The following LETM1 variants were observed in gnomAD, a reference collection of about 807,000 sequenced individuals.
LETM1 encodes mitochondrial proton/calcium exchanger protein.
A neutral mutation model predicts 74.5 loss-of-function variants in LETM1; 50 were observed. That is an observed-to-expected ratio of 0.67 (90% CI 0.53 to 0.85). The LOEUF (loss-of-function observed/expected upper bound fraction) is 0.85, where lower values mean the gene tolerates loss of function less well. Among genes scored for constraint, LETM1 ranks in the 40% least tolerant of loss-of-function variants. The pLI is 0.00. For missense variants in LETM1, 824 were observed against 967.8 expected (o/e 0.85, Z 1.97); for synonymous variants, 446 against 407.1 (o/e 1.10, Z -1.15).
At chr4:1,849,758 G>C (rs1308901634) in intron 1 of LETM1, among the ~76,000 whole-genome samples, 6 of 152,202 alleles carry the variant, frequency 3.9e-5, no homozygotes, top group Admixed American at 1.3e-4. Flanking sequence ...TTGTTGCCTA[G>C]GCTGGTCTCC....
At chr4:1,833,579 C>G (rs1712355606) in intron 5 of LETM1, 1 of 157,492 alleles carries the variant, frequency 6.3e-6, no homozygotes, top group Non-Finnish European at 1.4e-5. Context: ...CTGCCTGAGC[C>G]TTGGGGGAGG....
At chr4:1,815,527 G>A (rs1367856341) in intron 13 of LETM1, 137 bp downstream of exon 13, 33 of 789,412 alleles carry the variant, frequency 4.2e-5, no homozygotes, top group East Asian at 5.3e-5. Context: ...AGGAGCAGTC[G>A]CAGTGACAGA....
At chr4:1,849,594 T>C (rs1713000487) in intron 1 of LETM1, among the ~76,000 whole-genome samples, 1 of 152,104 alleles carries the variant, frequency 6.6e-6, no homozygotes, top group African/African-American at 2.4e-5. Context: ...TTATTTGACT[T>C]TGCCCAGGCT....
At chr4:1,831,865 G>C (rs939661438) in intron 6 of LETM1, among the ~76,000 whole-genome samples, 1 of 152,294 alleles carries the variant, frequency 6.6e-6, no homozygotes, top group South Asian at 2.1e-4. Context: ...AAATCAGAAG[G>C]GAGAGCAAAA....
chr4:1,839,442 G>C (rs1313908292), intron 3 of LETM1: 2 of 152,336 alleles, frequency 1.3e-5, no homozygotes, highest in Non-Finnish European at 2.9e-5. Flanking sequence ...GCATCAAGAG[G>C]GTGAAGGCAT....
rs1722491955 is a variant in LETM1 at position 1,812,288 on chromosome 4, C to G, written c.*2136G>C. The G allele has an allele frequency of 6.7e-6, 1 of 150,248 alleles. No homozygotes were observed. Among genetic ancestry groups the G allele is most frequent in the South Asian group, 2.1e-4 (1 of 4,714 alleles). 9.3% of individuals were successfully genotyped at this position (150,248 alleles called of 1,614,324 possible). ...GCTGAGGCAGAAGAATCGCTTGAAC[C>G]CGGGAGGTGGAGCTTGCAGTGAGCC... On this transcript the variant is annotated 3_prime_UTR_variant, in exon 14 of 14. Transcript: ENST00000302787.
intron 6 of LETM1, among the ~76,000 whole-genome samples, chr4:1,827,410 G>T (rs1246262433): frequency 8.2e-6 from 1 of 122,390 alleles, no homozygotes; most frequent in Non-Finnish European, 1.7e-5. Context: ...AAGGTCTCTG[G>T]TTTTCCTAGG....
chr4:1,850,551 A>G (rs1713033275), intron 1 of LETM1, among the ~76,000 whole-genome samples: 1 of 151,310 alleles, frequency 6.6e-6, no homozygotes, highest in Admixed American at 6.6e-5. Context: ...CTGTAATCCC[A>G]GCACAGACGT....
chr4:1,825,729 G>A, intron 6 of LETM1, 46 bp from the exon 7 acceptor site: 1 of 1,565,820 alleles, frequency 6.4e-7, no homozygotes, highest in South Asian at 1.1e-5. Flanking sequence ...GTTGCTGGTG[G>A]GTGACAGTGT....
chr4:1,823,945 A>G (rs552417385), intron 7 of LETM1, among the ~76,000 whole-genome samples, 170 bp from the exon 8 acceptor site: 21 of 152,258 alleles, frequency 1.4e-4, no homozygotes, highest in African/African-American at 5.1e-4. Flanking sequence ...TTAGTAAACA[A>G]AACACCAGAG....
intron 6 of LETM1, among the ~76,000 whole-genome samples, chr4:1,829,444 T>C (rs1279808276): frequency 2.0e-5 from 3 of 152,184 alleles, no homozygotes; most frequent in Non-Finnish European, 4.4e-5. Context: ...ACTTGAAAAA[T>C]AATGCTCCAC....
intron 6 of LETM1, among the ~76,000 whole-genome samples, chr4:1,827,287 T>C (rs1712026666): frequency 6.6e-6 from 1 of 150,436 alleles, no homozygotes; most frequent in Non-Finnish European, 1.5e-5. Context: ...TTTTTTTTTT[T>C]TTTTTTTAAT....
intron 3 of LETM1, among the ~76,000 whole-genome samples, chr4:1,840,502 C>T (rs1417242839): frequency 6.6e-6 from 1 of 151,784 alleles, no homozygotes; most frequent in African/African-American, 2.4e-5. Flanking sequence ...CCCGTCTCTA[C>T]TAAAAATACA....
chr4:1,829,001 C>T (rs1371165525), intron 6 of LETM1, among the ~76,000 whole-genome samples: 3 of 115,602 alleles, frequency 2.6e-5, no homozygotes, highest in Non-Finnish European at 3.6e-5. Flanking sequence ...TGACCCCCCC[C>T]CACCTCCCTC....
At position 1,836,648 on chromosome 4, in the gene LETM1, T is replaced by C. The variant is rs1467974917; in HGVS notation, c.595-76A>G. ...GGGCAAGGGGTGTGAGCATTTCTCC[T>C]ATAATGGTTTATAGGCACAACCTCA... On this transcript the variant is annotated intron_variant, in intron 3 of 13. Transcript: ENST00000302787. This position sits in a 1 kb window ranked among gnomAD's most constrained non-coding sequence, Gnocchi z 5.8. 2 of 1,504,978 alleles carry C rather than the reference T, an allele frequency of 1.3e-6. No individual in the cohort carries two copies. Among genetic ancestry groups the C allele is most frequent in the Non-Finnish European group, 1.8e-6 (2 of 1,091,774 alleles). 93.2% of individuals were successfully genotyped at this position (1,504,978 alleles called of 1,614,324 possible).
rs1428264009 is a variant in LETM1 at position 1,814,588 on chromosome 4, A to G, written c.2071-15T>C. 7.4e-6 allele frequency: 12 copies of G among 1,611,588 alleles called. No homozygotes were observed. The highest frequency in any genetic ancestry group is 1.0e-5 in the Non-Finnish European group (12 of 1,178,592). ...AGCTCAATCACCTACACACGTGGGA[A>G]AGGGAGAGGCTCAGGTGGCTGCGCC... is the stretch of plus-strand genomic sequence containing the variant. On this transcript the variant is annotated splice_polypyrimidine_tract_variant and intron_variant, in intron 13 of 13. Coordinates refer to ENST00000302787, the MANE Select transcript of LETM1 (RefSeq NM_012318.3).
chr4:1,818,994 G>T (rs778612111), intron 11 of LETM1, among the ~76,000 whole-genome samples: 1 of 151,130 alleles, frequency 6.6e-6, no homozygotes, highest in Non-Finnish European at 1.5e-5. Context: ...TGAGGCACAA[G>T]AATTGCTTGA....
chr4:1,824,010 G>A (rs999734611), intron 7 of LETM1, among the ~76,000 whole-genome samples: 14 of 152,246 alleles, frequency 9.2e-5, no homozygotes, highest in Middle Eastern at 3.4e-3. Context: ...TCAGAACAGG[G>A]CACCAACTCT....
intron 11 of LETM1, 36 bp from the exon 12 acceptor site, chr4:1,816,950 T>TAAAAAA: frequency 6.3e-7 from 1 of 1,581,428 alleles, no homozygotes; most frequent in Non-Finnish European, 8.7e-7. Context: ...AAGTTTGTCT[T>TAAAAAA]AAAAGAAAAA....
Sources: allele counts gnomAD v4.1 joint callset (sites outside exome capture counted in the v4.1 genomes callset), GRCh38; gene constraint gnomAD v4.1.1; non-coding constraint Gnocchi (gnomAD v3.1); transcripts MANE v1.5; gene names NCBI Gene and HGNC (gene_info 2026-07-23, HGNC 2026-07-21).